LIG1: variants seen among roughly 807,000 people sequenced by gnomAD.
LIG1 encodes the protein ligase I, DNA, ATP-dependent.
Under a neutral mutation model 115.7 loss-of-function variants are expected in LIG1, and 70 were observed. The ratio of observed to expected loss-of-function variants is 0.60; its 90% CI spans 0.50 to 0.74. LIG1 has a LOEUF of 0.74. Among genes scored for constraint, LIG1 ranks in the 30% least tolerant of loss-of-function variants. The probability of loss-of-function intolerance (pLI) is 0.00; values close to 1 mark genes in which losing one functional copy is unlikely to be tolerated. For missense variants in LIG1, 1,115 were observed against 1,225.6 expected, an observed-to-expected ratio of 0.91 and a Z score of 1.35; for synonymous variants, 487 against 495.3, an observed-to-expected ratio of 0.98 and a Z score of 0.22.
chr19:48,137,583 G>A lies in LIG1; in HGVS notation c.1193C>T (p.Pro398Leu), dbSNP rs774413070. 25 of 1,613,292 alleles carry A rather than the reference G, an allele frequency of 1.5e-5. No homozygotes were observed. Among genetic ancestry groups the A allele is most frequent in the Middle Eastern group, 1.6e-4 (1 of 6,084 alleles). Residue 398 changes from proline (P) to leucine (L), a missense_variant, in exon 13 of 28, where the codon CCG (proline) becomes CTG (leucine). By Grantham distance (98) the Pro-to-Leu change is moderately conservative (BLOSUM62 -3). Transcript: ENST00000263274. The surrounding 1 kb of genome is among the most constrained non-coding windows in gnomAD (Gnocchi z 4.3). ...GCTGAAGACCCCGGAGGCAGTGAGC[G>A]GAGGTGGTGGCAGCATGAGCCTCTG... ...STQRLMLPPP[P>L]LTASGVFSKF...
At chr19:48,129,540 C>T (rs1432655571) in intron 19 of LIG1, among the ~76,000 whole-genome samples, 5 of 152,138 alleles carry the variant, frequency 3.3e-5, no homozygotes, top group Non-Finnish European at 7.3e-5. Flanking sequence ...GGGCCTAGCT[C>T]GGAGCAGATG....
chr19:48,135,501 C>T (rs1200215490), intron 16 of LIG1, among the ~76,000 whole-genome samples, 179 bp downstream of exon 16: 1 of 152,156 alleles, frequency 6.6e-6, no homozygotes, highest in Non-Finnish European at 1.5e-5. Flanking sequence ...TGTCACCATC[C>T]TTGTGTCAAG....
intron 9 of LIG1, among the ~76,000 whole-genome samples, chr19:48,146,306 C>A (rs896751189): frequency 1.3e-5 from 2 of 152,126 alleles, no homozygotes; most frequent in African/African-American, 4.8e-5. Context: ...AGTTTGAGAC[C>A]AACCTGGCCA....
intron 18 of LIG1, 123 bp from the exon 19 acceptor site, chr19:48,131,294 G>C: frequency 1.4e-6 from 1 of 717,282 alleles, no homozygotes; most frequent in Non-Finnish European, 2.5e-6. Context: ...AACTGGTGCA[G>C]AGACTTGAGC....
At position 48,137,779 on chromosome 19, in the gene LIG1, C is replaced by T. The variant is rs752521243; in HGVS notation, c.1088-91G>A. ...CGCGGCCTGGATGAATTTTCTCCAGCTGTGTGTGCTTGTGGCGAGTCCCTG... is the reference window on the plus strand; with the variant it reads ...CGCGGCCTGGATGAATTTTCTCCAGTTGTGTGTGCTTGTGGCGAGTCCCTG... On this transcript the variant is annotated intron_variant, in intron 12 of 27. Coordinates refer to ENST00000263274, the MANE Select transcript of LIG1 (RefSeq NM_000234.3). The surrounding 1 kb of genome is among the most constrained non-coding windows in gnomAD (Gnocchi z 4.3). 35 of 1,488,302 alleles carry T rather than the reference C, an allele frequency of 2.4e-5. No homozygotes were observed. Among genetic ancestry groups the T allele is most frequent in the Middle Eastern group, 3.4e-4 (2 of 5,876 alleles). The allele number at this position is 1,488,302 out of a possible 1,614,324, so 92.2% of individuals were successfully genotyped here. A position where few individuals can be genotyped will look rare whatever the true frequency, so the allele number is the denominator to read the frequency against.
intron 1 of LIG1, chr19:48,165,886 C>G (rs1276683167): frequency 9.0e-6 from 4 of 446,426 alleles, no homozygotes; most frequent in African/African-American, 7.9e-5. Flanking sequence ...GAGGAATAGA[C>G]TGAGGACCTG....
rs1347023583 is a variant in LIG1 at position 48,156,865 on chromosome 19, C to T, written c.370+149G>A. 11 of 585,610 alleles carry T rather than the reference C, an allele frequency of 1.9e-5. No homozygotes were observed. In the South Asian group the frequency reaches 2.1e-4, roughly 11 times the overall value. 36.3% of individuals were successfully genotyped at this position (585,610 alleles called of 1,614,324 possible). ...CTAAGGCAGGAGAATCGTTTGAACC[C>T]GGGAGGCGGAGGTCAGTGAGCCGAG... On this transcript the variant is annotated intron_variant, in intron 5 of 27. Transcript: ENST00000263274.
chr19:48,119,687 C>T (rs534351728), intron 24 of LIG1, among the ~76,000 whole-genome samples: 29 of 151,912 alleles, frequency 1.9e-4, no homozygotes, highest in African/African-American at 6.8e-4. Context: ...CACAGGCATG[C>T]ACCACCACGC....
At chr19:48,133,269 C>A in intron 17 of LIG1, 172 bp from the exon 18 acceptor site, 1 of 616,866 alleles carries the variant, frequency 1.6e-6, no homozygotes, top group East Asian at 2.8e-5. Context: ...GACTACAGCC[C>A]CCGGCCTTCC....
chr19:48,155,342 G>A (rs1166191176), intron 5 of LIG1, among the ~76,000 whole-genome samples: 1 of 152,064 alleles, frequency 6.6e-6, no homozygotes, highest in South Asian at 2.1e-4. Flanking sequence ...TGCTTCCCAG[G>A]TCGCATCCGA....
At chr19:48,157,181 G>A in intron 4 of LIG1, 41 bp from the exon 5 acceptor site, 1 of 1,579,728 alleles carries the variant, frequency 6.3e-7, no homozygotes, top group Non-Finnish European at 8.6e-7. Flanking sequence ...GCGGGGGAAG[G>A]AGGGACTCCA....
chr19:48,116,046 G>A, intron 26 of LIG1, 81 bp from the exon 27 acceptor site: 6 of 1,017,192 alleles, frequency 5.9e-6, no homozygotes, highest in Admixed American at 1.9e-5. Flanking sequence ...ACTCTGGACT[G>A]TTTCCTGATC....
chr19:48,150,239 CAA>C (rs1478089149), intron 7 of LIG1, 29 bp from the exon 8 acceptor site: 6 of 1,613,766 alleles, frequency 3.7e-6, no homozygotes, highest in Non-Finnish European at 5.1e-6. Context: ...GACGGTGATG[CAA>C]ACTCTTTGAC....
chr19:48,124,438 G>A lies in LIG1; in HGVS notation c.2005-1120C>T, dbSNP rs112029660. ...ATGCAGCAATACCTACTCAGGGCACGTCTGGGAAGATCAGCTGAGCCCGTG... is the reference window on the plus strand; with the variant it reads ...ATGCAGCAATACCTACTCAGGGCACATCTGGGAAGATCAGCTGAGCCCGTG... On this transcript the variant is annotated intron_variant, in intron 21 of 27. Transcript: ENST00000263274. Among the ~76,000 whole-genome samples the A allele has an allele frequency of 3.9e-5, 6 of 152,280 alleles. 1 individual carries two copies. The highest frequency in any genetic ancestry group is 9.6e-5 in the African/African-American group (4 of 41,540).
chr19:48,115,929 G>A lies in LIG1; in HGVS notation c.2620C>T (p.Arg874Trp), dbSNP rs2032775534. ...TTGTCTTCACGGACTCGAATAAACC[G>A]AGGGAAGCGAAGGGAGATGCCCTTG... ...SDKGISLRFPRFIRVREDKQP... is the reference protein window; with the variant it reads ...SDKGISLRFPWFIRVREDKQP... Residue 874 changes from arginine (R) to tryptophan (W), a missense_variant, in exon 27 of 28, where the codon CGG (arginine) becomes TGG (tryptophan). Arg to Trp is a moderately radical substitution (Grantham distance 101). Transcript: ENST00000263274. 6 of 1,613,856 alleles carry A rather than the reference G, an allele frequency of 3.7e-6. No individual in the cohort carries two copies. Among genetic ancestry groups the A allele is most frequent in the Admixed American group, 3.3e-5 (2 of 59,992 alleles).
At chr19:48,143,719 C>G in intron 10 of LIG1, 120 bp from the exon 11 acceptor site, 1 of 1,087,378 alleles carries the variant, frequency 9.2e-7, no homozygotes, top group Non-Finnish European at 1.4e-6. Flanking sequence ...AATGCATGAG[C>G]TCACTTCCCA....
chr19:48,138,692 G>C (rs1289660100), intron 12 of LIG1, among the ~76,000 whole-genome samples: 1 of 152,236 alleles, frequency 6.6e-6, no homozygotes, highest in Non-Finnish European at 1.5e-5. Flanking sequence ...GCATGAGACA[G>C]TGGAAGAGGC....
chr19:48,167,877 CCAAA>C (rs1365331836), intron 1 of LIG1, among the ~76,000 whole-genome samples: 4 of 150,880 alleles, frequency 2.7e-5, no homozygotes, highest in Non-Finnish European at 5.9e-5. Context: ...TCAGCAATTT[CCAAA>C]CAGAGTTTCT....
intron 2 of LIG1, 88 bp downstream of exon 2, chr19:48,165,462 T>G: frequency 5.5e-6 from 6 of 1,094,678 alleles, no homozygotes; most frequent in Non-Finnish European, 8.5e-6. Context: ...AGTTTTTGTT[T>G]GTTTGTTTGT....
Sources: allele counts gnomAD v4.1 joint callset (sites outside exome capture counted in the v4.1 genomes callset), GRCh38; gene constraint gnomAD v4.1.1; non-coding constraint Gnocchi (gnomAD v3.1); transcripts MANE v1.5; gene names NCBI Gene and HGNC (gene_info 2026-07-23, HGNC 2026-07-21).